GLB1L3: variants seen among roughly 807,000 people sequenced by gnomAD.
GLB1L3 encodes the protein beta-galactosidase-1-like protein 3.
In GLB1L3, 89 loss-of-function variants were observed where a neutral mutation model predicts 89.5. The observed-to-expected ratio is 0.99, with a 90% CI of 0.84 to 1.19. The LOEUF (loss-of-function observed/expected upper bound fraction) is 1.19. Ranked by LOEUF, GLB1L3 falls within the 50% of genes most tolerant of loss-of-function variation. GLB1L3 has a pLI of 0.00. For synonymous variants in GLB1L3, 314 were observed against 312.3 expected, an observed-to-expected ratio of 1.01 and a Z score of -0.06; for missense variants, 812 against 813.3, an observed-to-expected ratio of 1.00 and a Z score of 0.02.
chr11:134,276,698 GGC>G lies in GLB1L3; in HGVS notation c.-41_-40del. 1 of 1,422,454 alleles carries G rather than the reference GGC, an allele frequency of 7.0e-7. No individual in the cohort carries two copies. Among genetic ancestry groups the G allele is most frequent in the Non-Finnish European group, 9.2e-7 (1 of 1,088,022 alleles). 88.1% of individuals were successfully genotyped at this position (1,422,454 alleles called of 1,614,324 possible). Reference sequence around the variant, plus strand: ...CGCGGCGTCGGGGCCAGCGGAGAGGGGCGGAAGCCGCAAGGGACCCTCGGCGC... The same window carrying G: ...CGCGGCGTCGGGGCCAGCGGAGAGGGGGAAGCCGCAAGGGACCCTCGGCGC... On this transcript the variant is annotated 5_prime_UTR_variant, in exon 1 of 20. Transcript: ENST00000431683.
At chr11:134,315,669 G>A (rs1246357654) in intron 18 of GLB1L3, among the ~76,000 whole-genome samples, 1 of 151,982 alleles carries the variant, frequency 6.6e-6, no homozygotes, top group Non-Finnish European at 1.5e-5. Context: ...ACAGGATATC[G>A]ATGCACTCTT....
chr11:134,308,511 C>CACCATCACCAT (rs1942497071), intron 10 of GLB1L3, among the ~76,000 whole-genome samples: 1 of 93,088 alleles, frequency 1.1e-5, no homozygotes. Context: ...ACCACCACCA[C>CACCATCACCAT]CACCACCATG....
At chr11:134,295,961 A>G (rs996966209) in intron 9 of GLB1L3, among the ~76,000 whole-genome samples, 6 of 152,138 alleles carry the variant, frequency 3.9e-5, no homozygotes, top group African/African-American at 1.4e-4. Flanking sequence ...TAATACTGTT[A>G]AGGCCCAAGA....
rs779849172 is a variant in GLB1L3 at position 134,311,054 on chromosome 11, T to C, written c.1181-10T>C. ...GGCACTTTTTGCCCTGTGCCCCATC[T>C]CCATTGCAGCAACTCCCCTGCCCCG... On this transcript the variant is annotated splice_polypyrimidine_tract_variant and intron_variant, in intron 12 of 19. Transcript: ENST00000431683. 3.1e-6 allele frequency: 5 copies of C among 1,609,516 alleles called. No homozygotes were observed. The highest frequency in any genetic ancestry group is 4.3e-6 in the Non-Finnish European group (5 of 1,176,308).
intron 9 of GLB1L3, among the ~76,000 whole-genome samples, chr11:134,294,784 G>A (rs1941544183): frequency 6.6e-6 from 1 of 152,128 alleles, no homozygotes; most frequent in Non-Finnish European, 1.5e-5. Context: ...GTGTTTCTTC[G>A]AGGTCCATTT....
At position 134,318,675 on chromosome 11, in the gene GLB1L3, G is replaced by A. The variant is rs749750561; in HGVS notation, c.1824G>A (p.Gly608=). 1.5e-5 allele frequency: 24 copies of A among 1,612,952 alleles called. No individual in the cohort carries two copies. The African/African-American group carries it at 3.1e-4, about 21-fold the overall frequency. ...TGTTCATCAATGGACGTAACCTTGGGCGATATTGGAATATTGGGCCTCAGA... is the reference window on the plus strand; with the variant it reads ...TGTTCATCAATGGACGTAACCTTGGACGATATTGGAATATTGGGCCTCAGA... ...GFVFINGRNL[G]RYWNIGPQKT... Residue 608 remains glycine, a synonymous_variant, in exon 19 of 20, where the codon GGG becomes GGA. Coordinates refer to ENST00000431683, the MANE Select transcript of GLB1L3 (RefSeq NM_001080407.3).
At chr11:134,306,070 C>T (rs1591573461) in intron 9 of GLB1L3, among the ~76,000 whole-genome samples, 1 of 152,162 alleles carries the variant, frequency 6.6e-6, no homozygotes, top group South Asian at 2.1e-4. Flanking sequence ...TTTCCTTTAA[C>T]TGAAGTATCT....
downstream of GLB1L3, among the ~76,000 whole-genome samples, chr11:134,323,133 C>T (rs1943185956): frequency 6.6e-6 from 1 of 152,174 alleles, no homozygotes; most frequent in Non-Finnish European, 1.5e-5. Flanking sequence ...AATGTTATCT[C>T]ACTGTGGTTT....
chr11:134,277,944 G>A (rs539491048), intron 3 of GLB1L3, 32 bp downstream of exon 3: 17 of 1,605,744 alleles, frequency 1.1e-5, no homozygotes, highest in South Asian at 1.0e-4. Flanking sequence ...CCAGGATCTC[G>A]TTACCCTACA....
Sources: allele counts gnomAD v4.1 joint callset (sites outside exome capture counted in the v4.1 genomes callset), GRCh38; gene constraint gnomAD v4.1.1; transcripts MANE v1.5; gene names NCBI Gene and HGNC (gene_info 2026-07-23, HGNC 2026-07-21).